MSRB3: variants seen among roughly 807,000 people sequenced by gnomAD.
The protein encoded by MSRB3 is methionine-R-sulfoxide reductase B3.
A neutral mutation model predicts 21.0 loss-of-function variants in MSRB3; 13 were observed. The observed-to-expected ratio is 0.62, with a 90% CI of 0.40 to 0.98. The LOEUF (loss-of-function observed/expected upper bound fraction) is 0.98. MSRB3 is among the 50% of genes least tolerant of loss of function. The probability of loss-of-function intolerance (pLI) is 0.00; values close to 1 mark genes in which losing one functional copy is unlikely to be tolerated. For synonymous variants in MSRB3, 87 were observed against 88.6 expected, an observed-to-expected ratio of 0.98 and a Z score of 0.10; for missense variants, 199 against 230.3, an observed-to-expected ratio of 0.86 and a Z score of 0.88.
At chr12:65,402,723 C>T (rs527507600) in intron 5 of MSRB3, among the ~76,000 whole-genome samples, 24 of 152,276 alleles carry the variant, frequency 1.6e-4, no homozygotes, top group South Asian at 1.2e-3. Flanking sequence ...AGCCATTTTG[C>T]GCTGGTTTTT....
chr12:65,328,568 A>C lies in MSRB3; in HGVS notation c.228A>C (p.Ile76=), dbSNP rs937977097. The C allele has an allele frequency of 1.4e-5, 23 of 1,612,658 alleles. No individual in the cohort carries two copies. The highest frequency in any genetic ancestry group is 2.0e-5 in the Non-Finnish European group (23 of 1,178,986). ...ACACACATCACAAAGATCCTGGAAT[A>C]TATAAATGTGTTGTTTGTGGAACTC... The part of the protein sequence containing the change: ...GEYTHHKDPG[I]YKCVVCGTPL... Residue 76 remains isoleucine (I), a synonymous_variant, in exon 4 of 7, where the codon ATA becomes ATC. Coordinates refer to ENST00000308259, the MANE Select transcript of MSRB3 (RefSeq NM_001031679.3).
Position 65,451,485 on chromosome 12 carries a change from A to G in MSRB3, c.293-2243A>G, listed in dbSNP as rs1034539339. ...AAAATTGAGGAAGAAAGTGGAACAT[A>G]AGAAGAGAGTCCTAAAGTCAGAATA... is the stretch of plus-strand genomic sequence containing the variant. On this transcript the variant is annotated intron_variant, in intron 5 of 6. Coordinates refer to ENST00000308259, the MANE Select transcript of MSRB3 (RefSeq NM_001031679.3). 5.9e-5 allele frequency among the ~76,000 whole-genome samples: 9 copies of G among 152,274 alleles called. 2 individuals carry two copies. Among genetic ancestry groups the G allele is most frequent in the Admixed American group, 5.9e-4 (9 of 15,290 alleles).
At chr12:65,362,440 A>G (rs1230283620) in intron 4 of MSRB3, among the ~76,000 whole-genome samples, 9 of 152,300 alleles carry the variant, frequency 5.9e-5, no homozygotes, top group Admixed American at 4.6e-4. Flanking sequence ...TAGGGTTGCC[A>G]TGATTGGCTT....
chr12:65,424,756 T>C (rs1483722981), intron 5 of MSRB3, among the ~76,000 whole-genome samples: 4 of 151,546 alleles, frequency 2.6e-5, no homozygotes, highest in African/African-American at 9.7e-5. Flanking sequence ...AATGTTCCGC[T>C]TGTGCTTGAA....
chr12:65,369,150 G>A (rs1878182264), intron 5 of MSRB3, 124 bp downstream of exon 5: 1 of 716,192 alleles, frequency 1.4e-6, no homozygotes, highest in Non-Finnish European at 2.4e-6. Flanking sequence ...TCCAAAATGT[G>A]AGTCCCACCT....
At chr12:65,407,416 G>A (rs965716387) in intron 5 of MSRB3, among the ~76,000 whole-genome samples, 6 of 151,562 alleles carry the variant, frequency 4.0e-5, no homozygotes, top group Non-Finnish European at 7.4e-5. Context: ...GAAGTCTGAC[G>A]CAATTCTTAT....
At chr12:65,445,740 G>A (rs1339086543) in intron 5 of MSRB3, among the ~76,000 whole-genome samples, 1 of 150,814 alleles carries the variant, frequency 6.6e-6, no homozygotes, top group Non-Finnish European at 1.5e-5. Flanking sequence ...CCACCTCCAA[G>A]GTTCAAGCGA....
At chr12:65,308,818 A>G (rs1592510058) in intron 2 of MSRB3, 163 bp downstream of exon 2, 1 of 868,828 alleles carries the variant, frequency 1.2e-6, no homozygotes, top group Non-Finnish European at 1.8e-6. Flanking sequence ...TACTTTGAGT[A>G]ACATTCATTT....
intron 5 of MSRB3, among the ~76,000 whole-genome samples, chr12:65,394,349 A>G (rs1879661732): frequency 6.6e-6 from 1 of 152,230 alleles, no homozygotes; most frequent in South Asian, 2.1e-4. Flanking sequence ...AGCTTAGATA[A>G]AATGAACAAA....
At chr12:65,442,138 T>G (rs1335898443) in intron 5 of MSRB3, among the ~76,000 whole-genome samples, 3 of 151,980 alleles carry the variant, frequency 2.0e-5, no homozygotes, top group Non-Finnish European at 4.4e-5. Flanking sequence ...GAAATTCAGG[T>G]TTAGCACTTA....
intron 1 of MSRB3, among the ~76,000 whole-genome samples, chr12:65,288,190 C>A (rs1472498038): frequency 2.6e-5 from 4 of 151,748 alleles, no homozygotes; most frequent in Admixed American, 2.6e-4. Flanking sequence ...GTAGTCCCAG[C>A]TACTCAGGAG....
chr12:65,366,048 A>G (rs548140775), intron 4 of MSRB3, among the ~76,000 whole-genome samples: 12 of 152,142 alleles, frequency 7.9e-5, no homozygotes, highest in Non-Finnish European at 1.6e-4. Context: ...ACAGCCAGGC[A>G]TCGAGTTCCA....
At chr12:65,456,224 C>T (rs546110314) in intron 6 of MSRB3, among the ~76,000 whole-genome samples, 1 of 152,198 alleles carries the variant, frequency 6.6e-6, no homozygotes, top group South Asian at 2.1e-4. Context: ...GTTACGTGAT[C>T]GTTTTAACTC....
intron 5 of MSRB3, among the ~76,000 whole-genome samples, chr12:65,376,929 C>A (rs7973042): frequency 0.65 from 98,787 of 152,006 alleles, 32,227 homozygotes; most frequent in Admixed American, 0.72. Flanking sequence ...CCTGTAAATA[C>A]AAGTGCTCTC....
At chr12:65,352,106 T>G (rs1176143022) in intron 4 of MSRB3, among the ~76,000 whole-genome samples, 2 of 152,082 alleles carry the variant, frequency 1.3e-5, no homozygotes, top group Non-Finnish European at 2.9e-5. Flanking sequence ...ATCAAAAAGC[T>G]TATCCACCAT....
intron 5 of MSRB3, among the ~76,000 whole-genome samples, chr12:65,448,274 T>C (rs960914129): frequency 2.6e-5 from 4 of 152,106 alleles, no homozygotes; most frequent in Non-Finnish European, 5.9e-5. Context: ...TATGAGATAG[T>C]TTTTTTGGAA....
rs766420445 is a variant in MSRB3, at chr12:65,308,588, A to G, written c.9A>G (p.Ala3=). The G allele has an allele frequency of 3.7e-6, 6 of 1,613,968 alleles. No individual in the cohort carries two copies. The East Asian group carries it at 6.7e-5, about 18-fold the overall frequency. The stretch of plus-strand genomic sequence containing the variant: ...GTGAAGATATCACAGTGATGTCTGC[A>G]TTCAACCTGCTGCATTTGGTGACAA... MS[A]FNLLHLVTKS... The change falls in exon 2 of 7, where the codon GCA becomes GCG. Residue 3 remains alanine, a synonymous_variant. Coordinates refer to ENST00000308259, the MANE Select transcript of MSRB3 (RefSeq NM_001031679.3).
intron 1 of MSRB3, among the ~76,000 whole-genome samples, chr12:65,303,690 T>G (rs191562835): frequency 2.6e-5 from 4 of 152,220 alleles, no homozygotes; most frequent in African/African-American, 9.6e-5. Flanking sequence ...TAAAAGACAC[T>G]GTCACTGTCG....
intron 5 of MSRB3, among the ~76,000 whole-genome samples, chr12:65,386,808 T>C (rs1879217889): frequency 6.6e-6 from 1 of 152,040 alleles, no homozygotes; most frequent in African/African-American, 2.4e-5. Flanking sequence ...GTTATTACCA[T>C]GTCTGGATAC....
Sources: allele counts gnomAD v4.1 joint callset (sites outside exome capture counted in the v4.1 genomes callset), GRCh38; gene constraint gnomAD v4.1.1; transcripts MANE v1.5; gene names NCBI Gene and HGNC (gene_info 2026-07-23, HGNC 2026-07-21).